The following SMIM14 variants were observed in gnomAD, a reference collection of about 807,000 sequenced individuals.
SMIM14 encodes small integral membrane protein 14, also known as chromosome 4 open reading frame 34.
SMIM14 carries 5 observed loss-of-function variants against 12.6 expected under a neutral mutation model. The observed-to-expected ratio is 0.40, with a 90% CI of 0.21 to 0.83. SMIM14 has a LOEUF of 0.83. Ranked by LOEUF, SMIM14 falls within the 40% of genes least tolerant of loss-of-function variation. SMIM14 has a pLI of 0.37. For missense variants in SMIM14, 86 were observed against 119.1 expected (o/e 0.72, Z 1.29); for synonymous variants, 30 against 40.1 (o/e 0.75, Z 0.95).
chr4:39,632,037 C>T lies in SMIM14; in HGVS notation c.-36+6702G>A, dbSNP rs538779034. On this transcript the variant is annotated intron_variant, in intron 1 of 4. Transcript: ENST00000295958. ...AAATACATATGTAAGCCCTACTATA[C>T]ACCTAAAAATTGGTTTAGTTTAGAA... Among the ~76,000 whole-genome samples, 8 of 152,082 alleles carry T rather than the reference C, an allele frequency of 5.3e-5. No homozygotes were observed. In the South Asian group the frequency reaches 1.5e-3, roughly 28 times the overall value.
At chr4:39,625,502 C>T (rs1224061587) in intron 1 of SMIM14, among the ~76,000 whole-genome samples, 7 of 151,726 alleles carry the variant, frequency 4.6e-5, no homozygotes, top group African/African-American at 1.2e-4. Flanking sequence ...AGTGCAGTGG[C>T]GCAATCTAGA....
intron 1 of SMIM14, among the ~76,000 whole-genome samples, chr4:39,629,719 G>T (rs990354997): frequency 6.6e-6 from 1 of 152,086 alleles, no homozygotes; most frequent in South Asian, 2.1e-4. Context: ...AGCCTCCCCA[G>T]CTCAAGCAAT....
At chr4:39,561,450 A>G (rs1337855788) in intron 3 of SMIM14, among the ~76,000 whole-genome samples, 3 of 152,046 alleles carry the variant, frequency 2.0e-5, no homozygotes, top group East Asian at 1.9e-4. Flanking sequence ...GCCTCATGCA[A>G]TCCTCCTGCC....
chr4:39,572,546 G>A (rs539270953), intron 2 of SMIM14, 83 bp from the exon 3 acceptor site: 55 of 1,193,458 alleles, frequency 4.6e-5, no homozygotes, highest in South Asian at 2.4e-4. Flanking sequence ...TGTTTTGGCC[G>A]GGTGCGGTGG....
chr4:39,562,160 G>T (rs1712341197), intron 3 of SMIM14, among the ~76,000 whole-genome samples: 1 of 151,348 alleles, frequency 6.6e-6, no homozygotes, highest in Non-Finnish European at 1.5e-5. Context: ...GATCCCTGGA[G>T]CCCAGGCGTT....
At chr4:39,617,571 T>A (rs1715270670) in intron 1 of SMIM14, among the ~76,000 whole-genome samples, 1 of 152,204 alleles carries the variant, frequency 6.6e-6, no homozygotes, top group South Asian at 2.1e-4. Context: ...ATAAAAGGGA[T>A]TGTAACTCCA....
intron 1 of SMIM14, among the ~76,000 whole-genome samples, chr4:39,622,371 C>T (rs926737506): frequency 5.3e-5 from 8 of 151,734 alleles, no homozygotes; most frequent in Admixed American, 4.6e-4. Context: ...CGTGAGCCAC[C>T]GCGCCCGGCC....
chr4:39,619,877 T>TATATA (rs1553866681), intron 1 of SMIM14, among the ~76,000 whole-genome samples: 10,616 of 79,966 alleles, frequency 0.13, 592 homozygotes, highest in Non-Finnish European at 0.2. Flanking sequence ...TATATATATA[T>TATATA]TTTTTTTTTT....
At chr4:39,572,589 A>T (rs777767142) in intron 2 of SMIM14, 126 bp from the exon 3 acceptor site, 19 of 709,732 alleles carry the variant, frequency 2.7e-5, no homozygotes, top group Non-Finnish European at 3.4e-5. Context: ...TTGGAGGCTG[A>T]GGTGGGTGGA....
At chr4:39,612,614 A>T (rs1560304138) in intron 1 of SMIM14, among the ~76,000 whole-genome samples, 1 of 152,132 alleles carries the variant, frequency 6.6e-6, no homozygotes, top group Non-Finnish European at 1.5e-5. Context: ...ATTTTTTAAA[A>T]ATTTGAGACA....
intron 2 of SMIM14, among the ~76,000 whole-genome samples, chr4:39,579,404 T>C (rs1329342958): frequency 4.1e-5 from 4 of 98,308 alleles, no homozygotes; most frequent in Admixed American, 3.7e-4. Context: ...AGTGAGACAG[T>C]GCCTCCAAAA....
At chr4:39,594,598 C>A (rs1211457861) in intron 2 of SMIM14, 1 of 148,366 alleles carries the variant, frequency 6.7e-6, no homozygotes, top group Non-Finnish European at 1.5e-5. Flanking sequence ...AAAGAAACTA[C>A]CATCAGAGTG....
At chr4:39,596,377 G>A (rs1222940451) in intron 2 of SMIM14, among the ~76,000 whole-genome samples, 2 of 152,188 alleles carry the variant, frequency 1.3e-5, no homozygotes, top group African/African-American at 4.8e-5. Context: ...TTACAGGCGT[G>A]AGCCACCGGG....
intron 1 of SMIM14, among the ~76,000 whole-genome samples, chr4:39,614,677 A>G (rs1321564430): frequency 6.6e-6 from 1 of 152,176 alleles, no homozygotes; most frequent in Non-Finnish European, 1.5e-5. Flanking sequence ...TTTAATTTAT[A>G]TGTCAGCATT....
intron 2 of SMIM14, among the ~76,000 whole-genome samples, chr4:39,585,614 G>C (rs974421240): frequency 3.3e-5 from 5 of 151,934 alleles, no homozygotes; most frequent in African/African-American, 1.2e-4. Context: ...ATTATTAAAA[G>C]AAAAGACAGA....
Position 39,624,815 on chromosome 4 carries a change from C to CG in SMIM14, c.-36+13923dup, listed in dbSNP as rs918189371. 6.9e-5 allele frequency among the ~76,000 whole-genome samples: 4 copies of CG among 58,276 alleles called. No individual in the cohort carries two copies. The South Asian group carries it at 1.9e-3, about 28-fold the overall frequency. The allele number at this position is 58,276 out of a possible 152,430, so 38.2% of individuals were successfully genotyped here. ...TGGACAACAGAGCAAGACACCATCT[C>CG]GAAAAAAAAAAAAAAAAAACTTCCT... On this transcript the variant is annotated intron_variant, in intron 1 of 4. Coordinates refer to ENST00000295958, the MANE Select transcript of SMIM14 (RefSeq NM_174921.3).
chr4:39,565,342 T>C (rs1487960260), intron 3 of SMIM14, among the ~76,000 whole-genome samples: 1 of 152,166 alleles, frequency 6.6e-6, no homozygotes, highest in Non-Finnish European at 1.5e-5. Flanking sequence ...CTTTTCTTTT[T>C]TTTGGACAGG....
intron 1 of SMIM14, among the ~76,000 whole-genome samples, chr4:39,626,581 ACAG>A (rs1216155035): frequency 1.3e-5 from 2 of 152,234 alleles, no homozygotes; most frequent in Non-Finnish European, 2.9e-5. Context: ...AGAGGAGGAT[ACAG>A]AAGAAACAAA....
intron 2 of SMIM14, among the ~76,000 whole-genome samples, chr4:39,573,646 G>C (rs904662705): frequency 6.6e-6 from 1 of 152,052 alleles, no homozygotes; most frequent in Non-Finnish European, 1.5e-5. Flanking sequence ...AGAACTAGAA[G>C]AGTAAACCTT....
Sources: allele counts gnomAD v4.1 joint callset (sites outside exome capture counted in the v4.1 genomes callset), GRCh38; gene constraint gnomAD v4.1.1; transcripts MANE v1.5; gene names NCBI Gene and HGNC (gene_info 2026-07-23, HGNC 2026-07-21).